Variants in PPP1R21 observed in about 807,000 individuals in gnomAD.
PPP1R21 encodes the protein KLRAQ motif containing 1.
In PPP1R21, 85 loss-of-function variants were observed where a neutral mutation model predicts 112.8. The observed-to-expected ratio is 0.75, with a 90% confidence interval of 0.63 to 0.90. The LOEUF (loss-of-function observed/expected upper bound fraction) is 0.90, where lower values mean the gene tolerates loss of function less well. PPP1R21 is among the 40% of genes least tolerant of loss of function. The pLI is 0.00. For synonymous variants in PPP1R21, 381 were observed against 322.3 expected (o/e 1.18, Z -1.95); for missense variants, 1,199 against 901.5 (o/e 1.33, Z -4.23).
intron 17 of PPP1R21, among the ~76,000 whole-genome samples, chr2:48,501,643 C>T (rs1670119792): frequency 6.6e-6 from 1 of 152,100 alleles, no homozygotes; most frequent in African/African-American, 2.4e-5. Context: ...AACAGAATAG[C>T]CGACATAAAC....
chr2:48,468,824 A>ATTGTGTGT (rs1558454807), intron 9 of PPP1R21, among the ~76,000 whole-genome samples: 1 of 67,722 alleles, frequency 1.5e-5, no homozygotes, highest in Non-Finnish European at 3.1e-5. Flanking sequence ...CAAGAAAAAA[A>ATTGTGTGT]ATGTATGTGT....
intron 12 of PPP1R21, among the ~76,000 whole-genome samples, chr2:48,476,367 G>A (rs1357466259): frequency 6.6e-6 from 1 of 152,066 alleles, no homozygotes; most frequent in African/African-American, 2.4e-5. Flanking sequence ...TGGACATTTG[G>A]GTTGTTTCTA....
At position 48,511,464 on chromosome 2, in the gene PPP1R21, G is replaced by C. The variant is rs757455611; in HGVS notation, c.2309G>C (p.Ser770Thr). Residue 770 changes from serine (S) to threonine (T), a missense_variant, in exon 21 of 22, where the codon AGT (serine) becomes ACT (threonine). Ser to Thr is a moderately conservative substitution (Grantham distance 58). Transcript: ENST00000294952. ...REEIDTLKMSSKGNSKKNKSR is the reference protein window; with the variant it reads ...REEIDTLKMSTKGNSKKNKSR ...GAGATTGACACACTAAAGATGTCCAGTAAGGTATGTGAGGTGAGGTGAGGT... is the reference window on the plus strand; with the variant it reads ...GAGATTGACACACTAAAGATGTCCACTAAGGTATGTGAGGTGAGGTGAGGT... The C allele has an allele frequency of 6.2e-7, 1 of 1,613,312 alleles. No homozygotes were observed. Among genetic ancestry groups the C allele is most frequent in the Non-Finnish European group, 8.5e-7 (1 of 1,179,764 alleles).
At chr2:48,477,005 A>C (rs1222229904) in intron 12 of PPP1R21, among the ~76,000 whole-genome samples, 1 of 152,064 alleles carries the variant, frequency 6.6e-6, no homozygotes, top group African/African-American at 2.4e-5. Flanking sequence ...TGTCATATCT[A>C]AGAATCTGCT....
intron 4 of PPP1R21, 27 bp from the exon 5 acceptor site, chr2:48,459,727 G>T (rs1468080952): frequency 1.2e-6 from 2 of 1,602,272 alleles, no homozygotes; most frequent in East Asian, 4.5e-5. Context: ...GATATTGTGA[G>T]AAGAGAAAAT....
rs1214143845 is a variant in PPP1R21, at chr2:48,460,126, A to G, written c.572A>G (p.Lys191Arg). ...TCTCAGACTCTAGAAAAGGAAGCCA[A>G]GGAATGTCGACTTCGAACGGAAGAA... The part of the protein sequence containing the change: ...VKSQTLEKEA[K>R]ECRLRTEECQ... Residue 191 changes from lysine (K) to arginine (R), a missense_variant, in exon 6 of 22, where the codon AAG (lysine) becomes AGG (arginine). Physicochemically the swap from Lys to Arg is conservative, Grantham distance 26. Transcript: ENST00000294952. 1.2e-6 allele frequency: 2 copies of G among 1,614,078 alleles called. No individual in the cohort carries two copies. The highest frequency in any genetic ancestry group is 2.2e-5 in the East Asian group (1 of 44,898).
At position 48,483,524 on chromosome 2, in the gene PPP1R21, G is replaced by A. The variant is rs1254067959; in HGVS notation, c.1319-3107G>A. 2.6e-5 allele frequency among the ~76,000 whole-genome samples: 4 copies of A among 152,160 alleles called. No individual in the cohort carries two copies. In the East Asian group the frequency reaches 7.7e-4, roughly 29 times the overall value. Reference sequence around the variant, plus strand: ...AAATTCACAGGAAACCATAAAAGGGGCCTGAATAGCCAAAGCAAACAGCAC... The same window carrying A: ...AAATTCACAGGAAACCATAAAAGGGACCTGAATAGCCAAAGCAAACAGCAC... On this transcript the variant is annotated intron_variant, in intron 13 of 21. Transcript: ENST00000294952.
At position 48,510,013 on chromosome 2, in the gene PPP1R21, A is replaced by G. The variant is rs757930764; in HGVS notation, c.2086-2A>G. On this transcript the variant is annotated splice_acceptor_variant, in intron 19 of 21. Coordinates refer to ENST00000294952, the MANE Select transcript of PPP1R21 (RefSeq NM_001135629.3). LOFTEE classifies it high-confidence loss of function. Reference sequence around the variant, plus strand: ...GTAATGGAATGTTTTCTGATTTTACAGTGCCGAGCACTGTCTAAAAGACTG... The same window carrying G: ...GTAATGGAATGTTTTCTGATTTTACGGTGCCGAGCACTGTCTAAAAGACTG... 1.3e-6 allele frequency: 2 copies of G among 1,584,100 alleles called. No individual in the cohort carries two copies. Among genetic ancestry groups the G allele is most frequent in the Non-Finnish European group, 1.7e-6 (2 of 1,164,980 alleles).
intron 6 of PPP1R21, among the ~76,000 whole-genome samples, chr2:48,460,718 A>G (rs60710459): frequency 0.14 from 21,189 of 152,212 alleles, 1,582 homozygotes; most frequent in African/African-American, 0.18. Flanking sequence ...TGAACCAAAC[A>G]CAGAAAGAGT....
chr2:48,507,192 C>CTTT lies in PPP1R21; in HGVS notation c.1969-62_1969-60dup, dbSNP rs368842819. 498 of 1,140,154 alleles carry CTTT rather than the reference C, an allele frequency of 4.4e-4. 1 individual carries two copies. Among genetic ancestry groups the CTTT allele is most frequent in the South Asian group, 5.9e-4 (24 of 40,384 alleles). 70.6% of individuals were successfully genotyped at this position (1,140,154 alleles called of 1,614,324 possible). A position where few individuals can be genotyped will look rare whatever the true frequency, so the allele number is the denominator to read the frequency against. ...CAAGTGAGAATGTACAAAATGTTGTCTTTTTTTTTTTTTTTTTCTAGAAAT... is the reference window on the plus strand; with the variant it reads ...CAAGTGAGAATGTACAAAATGTTGTCTTTTTTTTTTTTTTTTTTTTCTAGAAAT... On this transcript the variant is annotated intron_variant, in intron 18 of 21. Coordinates refer to ENST00000294952, the MANE Select transcript of PPP1R21 (RefSeq NM_001135629.3).
At chr2:48,462,693 A>G (rs1036764475) in intron 7 of PPP1R21, among the ~76,000 whole-genome samples, 1 of 152,194 alleles carries the variant, frequency 6.6e-6, no homozygotes, top group Non-Finnish European at 1.5e-5. Flanking sequence ...GTTCTGGTCT[A>G]AGGACTGGGA....
At position 48,471,261 on chromosome 2, in the gene PPP1R21, A is replaced by T; in HGVS notation, c.1000-18A>T. 6.2e-7 allele frequency: 1 copy of T among 1,608,824 alleles called. No homozygotes were observed. Among genetic ancestry groups the T allele is most frequent in the Non-Finnish European group, 8.5e-7 (1 of 1,177,654 alleles). Reference sequence around the variant, plus strand: ...GTCCAGTAGCACTTTTAACCTTGAAATTATTTTTCTTTTCCAGGAGACAAC... The same window carrying T: ...GTCCAGTAGCACTTTTAACCTTGAATTTATTTTTCTTTTCCAGGAGACAAC... On this transcript the variant is annotated intron_variant, in intron 10 of 21. Transcript: ENST00000294952.
chr2:48,494,627 G>T (rs377565333), intron 15 of PPP1R21, among the ~76,000 whole-genome samples: 2 of 151,958 alleles, frequency 1.3e-5, no homozygotes, highest in Admixed American at 1.3e-4. Flanking sequence ...TGTTGGTCAG[G>T]CTGGTCTCGA....
At position 48,507,300 on chromosome 2, in the gene PPP1R21, T is replaced by A; in HGVS notation, c.2000T>A (p.Ile667Asn). 1 of 1,576,982 alleles carries A rather than the reference T, an allele frequency of 6.3e-7. No homozygotes were observed. Among genetic ancestry groups the A allele is most frequent in the Non-Finnish European group, 8.6e-7 (1 of 1,166,950 alleles). The change falls in exon 19 of 22, where the codon ATT becomes AAT. Residue 667 changes from isoleucine (I) to asparagine (N), a missense_variant. Coordinates refer to ENST00000294952, the MANE Select transcript of PPP1R21 (RefSeq NM_001135629.3). ...GATGTGGAATCTCGTGAAGACTTAA[T>A]TAAAAATCACTACATGGCAAGGATA... is the stretch of plus-strand genomic sequence containing the variant. ...VPDVESREDL[I>N]KNHYMARIVE... is the part of the protein sequence containing the mutation.
intron 6 of PPP1R21, 87 bp from the exon 7 acceptor site, chr2:48,461,051 T>A (rs1667953687): frequency 6.7e-7 from 1 of 1,492,792 alleles, no homozygotes; most frequent in Non-Finnish European, 8.9e-7. Context: ...TCTGGAAGCC[T>A]ACTACCAGCT....
At chr2:48,465,689 G>A in intron 9 of PPP1R21, 47 bp downstream of exon 9, 6 of 1,557,536 alleles carry the variant, frequency 3.9e-6, no homozygotes, top group Non-Finnish European at 5.3e-6. Context: ...ACAAAATAGG[G>A]AGATATTGTT....
At chr2:48,485,696 A>T (rs1261606756) in intron 13 of PPP1R21, among the ~76,000 whole-genome samples, 2 of 151,622 alleles carry the variant, frequency 1.3e-5, no homozygotes, top group African/African-American at 4.8e-5. Flanking sequence ...CTTCAGGTTA[A>T]ATCTCAAATA....
At chr2:48,473,685 G>A (rs2103860386) in intron 11 of PPP1R21, among the ~76,000 whole-genome samples, 1 of 152,260 alleles carries the variant, frequency 6.6e-6, no homozygotes. Flanking sequence ...AAGAGAAGTT[G>A]CAATGGAGAG....
rs62138863 is a variant in PPP1R21, at chr2:48,474,108, C to G, written c.1089-575C>G. On this transcript the variant is annotated intron_variant, in intron 11 of 21. Transcript: ENST00000294952. ...TAGAATATTTAAAAATATGGCCGGG[C>G]GTGGTGGTTCATGCCTGTAATCCCA... Among the ~76,000 whole-genome samples, 1,364 of 152,232 alleles carry G rather than the reference C, an allele frequency of 9.0e-3. 9 individuals carry two copies. The highest frequency in any genetic ancestry group is 0.014 in the Middle Eastern group (4 of 294).
Sources: gnomAD v4.1 joint callset for allele counts (sites outside exome capture counted in the v4.1 genomes callset) on GRCh38, gnomAD v4.1.1 for gene constraint, MANE v1.5 for transcripts, NCBI Gene and HGNC (gene_info 2026-07-23, HGNC 2026-07-21) for gene names.